CADM1: variants seen among roughly 807,000 people sequenced by gnomAD.
CADM1 encodes the protein TSLC-1.
In CADM1, 15 loss-of-function variants were observed where a neutral mutation model predicts 53.1. The ratio of observed to expected loss-of-function variants is 0.28; its 90% CI spans 0.19 to 0.44. The LOEUF (loss-of-function observed/expected upper bound fraction) is 0.44, where lower values mean the gene tolerates loss of function less well. Among genes scored for constraint, CADM1 ranks in the 20% least tolerant of loss-of-function variants. The pLI is 1.00. For synonymous variants in CADM1, 281 were observed against 243.0 expected, an observed-to-expected ratio of 1.16 and a Z score of -1.45; for missense variants, 434 against 611.3, an observed-to-expected ratio of 0.71 and a Z score of 3.06.
At chr11:115,386,209 A>C (rs546785285) in intron 1 of CADM1, among the ~76,000 whole-genome samples, 1 of 152,376 alleles carries the variant, frequency 6.6e-6, no homozygotes, top group South Asian at 2.1e-4. Flanking sequence ...AGAAAAGGAC[A>C]TGAGACTATT....
chr11:115,234,514 T>C (rs1266096075), intron 3 of CADM1, among the ~76,000 whole-genome samples: 1 of 152,224 alleles, frequency 6.6e-6, no homozygotes, highest in Non-Finnish European at 1.5e-5. Flanking sequence ...GAACCAGTGC[T>C]AGTTCCTAGG....
chr11:115,418,194 G>T (rs1381461647), intron 1 of CADM1, among the ~76,000 whole-genome samples: 1 of 152,106 alleles, frequency 6.6e-6, no homozygotes. Flanking sequence ...GTCACTTGTG[G>T]CTCAATGGTT....
At chr11:115,360,068 C>A (rs563440448) in intron 1 of CADM1, among the ~76,000 whole-genome samples, 13 of 152,272 alleles carry the variant, frequency 8.5e-5, no homozygotes, top group African/African-American at 2.9e-4. Context: ...GAGCATTAAT[C>A]ATGTAGAGGA....
At chr11:115,363,518 C>T (rs533495169) in intron 1 of CADM1, 1 of 152,282 alleles carries the variant, frequency 6.6e-6, no homozygotes, top group East Asian at 1.9e-4. Flanking sequence ...CCATTTTAAG[C>T]AGCAATCTGG....
At chr11:115,190,778 T>C in intron 10 of CADM1, 110 bp downstream of exon 10, 1 of 863,686 alleles carries the variant, frequency 1.2e-6, no homozygotes, top group Non-Finnish European at 1.8e-6. Flanking sequence ...TTTTTGTTAG[T>C]CTCAAAATCC....
intron 1 of CADM1, among the ~76,000 whole-genome samples, chr11:115,453,993 G>A (rs549498764): frequency 1.3e-5 from 2 of 151,626 alleles, no homozygotes; most frequent in South Asian, 2.1e-4. Context: ...CATTTGACAT[G>A]AGAATAGAGA....
intron 1 of CADM1, among the ~76,000 whole-genome samples, chr11:115,368,589 T>C (rs1438175334): frequency 6.6e-6 from 1 of 152,082 alleles, no homozygotes; most frequent in Non-Finnish European, 1.5e-5. Flanking sequence ...GTGAAGAAAA[T>C]CCTAATATTA....
intron 9 of CADM1, among the ~76,000 whole-genome samples, chr11:115,196,465 C>T (rs1391515606): frequency 6.6e-6 from 1 of 151,980 alleles, no homozygotes; most frequent in Non-Finnish European, 1.5e-5. Flanking sequence ...TCAAGGATCT[C>T]ACAGAATTTA....
Position 115,413,644 on chromosome 11 carries a change from C to CTTTTTTTTTTTTT in CADM1, c.124+90614_124+90626dup, listed in dbSNP as rs71066424. On this transcript the variant is annotated intron_variant, in intron 1 of 11. Coordinates refer to ENST00000331581, the MANE Select transcript of CADM1 (RefSeq NM_001301043.2). The stretch of plus-strand genomic sequence containing the variant: ...CAGGGAGTGTGGCTCCAGCTCAGTT[C>CTTTTTTTTTTTTT]TTTTTTTTTTTTTTCTCTGAGACAG... Among the ~76,000 whole-genome samples, 500 of 120,830 alleles carry CTTTTTTTTTTTTT rather than the reference C, an allele frequency of 4.1e-3. 19 individuals are homozygous for CTTTTTTTTTTTTT. The highest frequency in any genetic ancestry group is 0.014 in the African/African-American group (467 of 33,884). 79.3% of individuals were successfully genotyped at this position (120,830 alleles called of 152,430 possible).
At chr11:115,455,244 G>A (rs560648355) in intron 1 of CADM1, among the ~76,000 whole-genome samples, 13 of 152,030 alleles carry the variant, frequency 8.6e-5, no homozygotes, top group Admixed American at 5.2e-4. Flanking sequence ...TTAAAAGACC[G>A]CATAAAAGAT....
chr11:115,350,509 C>CT (rs34913142), intron 1 of CADM1, among the ~76,000 whole-genome samples: 49,298 of 137,898 alleles, frequency 0.36, 9,002 homozygotes, highest in Non-Finnish European at 0.45. Flanking sequence ...TTCTTTTTTT[C>CT]TTTTTTTTTT....
At chr11:115,324,369 AATG>A (rs1944904547) in intron 1 of CADM1, among the ~76,000 whole-genome samples, 1 of 152,178 alleles carries the variant, frequency 6.6e-6, no homozygotes, top group African/African-American at 2.4e-5. Context: ...CAACAATAAA[AATG>A]ATGATTTTGG....
At chr11:115,480,844 A>T (rs1226142722) in intron 1 of CADM1, among the ~76,000 whole-genome samples, 1 of 151,982 alleles carries the variant, frequency 6.6e-6, no homozygotes. Flanking sequence ...GTGCAATCTT[A>T]TCTACATCCA....
intron 1 of CADM1, among the ~76,000 whole-genome samples, chr11:115,280,691 G>A (rs534115301): frequency 9.2e-5 from 14 of 152,224 alleles, no homozygotes; most frequent in Non-Finnish European, 1.9e-4. Context: ...TCACAGATCC[G>A]TGGTGTATCT....
chr11:115,339,647 T>A (rs1320137260), intron 1 of CADM1, among the ~76,000 whole-genome samples: 1 of 152,194 alleles, frequency 6.6e-6, no homozygotes. Flanking sequence ...TGTATCCAAT[T>A]ATTTCATCAT....
At chr11:115,374,766 C>T (rs561141577) in intron 1 of CADM1, among the ~76,000 whole-genome samples, 1 of 152,130 alleles carries the variant, frequency 6.6e-6, no homozygotes, top group South Asian at 2.1e-4. Context: ...TAAGCAAAAT[C>T]AGACTGTGGG....
Position 115,238,552 on chromosome 11 carries a change from G to A in CADM1, c.372C>T (p.Cys124=), listed in dbSNP as rs1942093374. 1.2e-6 allele frequency: 2 copies of A among 1,613,826 alleles called. No homozygotes were observed. The highest frequency in any genetic ancestry group is 1.7e-4 in the Middle Eastern group (1 of 6,060). Residue 124 remains cysteine, a synonymous_variant, in exon 3 of 12, where the codon TGC becomes TGT. Transcript: ENST00000331581. ...VSISDEGRYF[C]QLYTDPPQES... is the part of the protein sequence containing the mutation. ...CCTGTGGGGGATCGGTATAGAGCTG[G>A]CAAAAGTATCTTCCTTCATCAGAAA...
chr11:115,410,043 C>CTAAGT (rs1375155598), intron 1 of CADM1, among the ~76,000 whole-genome samples: 1 of 152,232 alleles, frequency 6.6e-6, no homozygotes. Context: ...GAAAACATAT[C>CTAAGT]TACTTAAGCA....
intron 1 of CADM1, among the ~76,000 whole-genome samples, chr11:115,325,515 A>T (rs1435165587): frequency 6.6e-6 from 1 of 152,216 alleles, no homozygotes; most frequent in African/African-American, 2.4e-5. Context: ...TACAATTTTT[A>T]TAACAAATAT....
Sources: allele counts gnomAD v4.1 joint callset (sites outside exome capture counted in the v4.1 genomes callset), GRCh38; gene constraint gnomAD v4.1.1; transcripts MANE v1.5; gene names NCBI Gene and HGNC (gene_info 2026-07-23, HGNC 2026-07-21).